The following PCDH15 variants were observed in gnomAD, a reference collection of about 807,000 sequenced individuals.
The protein encoded by PCDH15 is protocadherin-15.
In PCDH15, 129 loss-of-function variants were observed where a neutral mutation model predicts 178.5. The observed-to-expected ratio is 0.72, with a 90% CI of 0.63 to 0.84. The LOEUF is 0.84. PCDH15 is among the 40% of genes least tolerant of loss of function. The pLI is 0.00. For synonymous variants in PCDH15, 800 were observed against 732.0 expected (o/e 1.09, Z -1.50); for missense variants, 2,230 against 2,099.9 (o/e 1.06, Z -1.21).
At chr10:54,213,397 G>A (rs572692463) in intron 10 of PCDH15, among the ~76,000 whole-genome samples, 4 of 152,010 alleles carry the variant, frequency 2.6e-5, no homozygotes, top group African/African-American at 7.2e-5. Flanking sequence ...GCTTAGCTTT[G>A]AATTATTTCA....
chr10:54,978,815 T>A (rs1839143678), intron 2 of PCDH15, among the ~76,000 whole-genome samples: 1 of 152,156 alleles, frequency 6.6e-6, no homozygotes, highest in Non-Finnish European at 1.5e-5. Context: ...TTCAAAGCTA[T>A]CTCTTTAAGA....
chr10:55,089,364 C>T (rs540301536), intron 2 of PCDH15, among the ~76,000 whole-genome samples: 1 of 151,616 alleles, frequency 6.6e-6, no homozygotes, highest in South Asian at 2.1e-4. Flanking sequence ...ATACTAAGTA[C>T]TCTTACAGAT....
chr10:54,624,275 A>G (rs2093474924), intron 2 of PCDH15, among the ~76,000 whole-genome samples: 1 of 152,214 alleles, frequency 6.6e-6, no homozygotes, highest in Admixed American at 6.6e-5. Flanking sequence ...TGCAGGAACA[A>G]AAAAGAAAAG....
intron 25 of PCDH15, chr10:53,905,108 A>C: frequency 2.0e-6 from 1 of 507,514 alleles, no homozygotes; most frequent in Non-Finnish European, 3.9e-6. Context: ...ATAAGCAGGT[A>C]AATCATCACC....
chr10:54,713,626 T>A (rs1216911492), intron 1 of PCDH15, among the ~76,000 whole-genome samples: 1 of 152,108 alleles, frequency 6.6e-6, no homozygotes, highest in Non-Finnish European at 1.5e-5. Context: ...TCTGGGCAAA[T>A]AATCAATATG....
chr10:55,550,654 C>G lies in PCDH15; in HGVS notation c.-156+76971G>C, dbSNP rs145532769. Among the ~76,000 whole-genome samples the G allele has an allele frequency of 3.0e-3, 457 of 152,122 alleles. 5 individuals are homozygous for G. The highest frequency in any genetic ancestry group is 0.021 in the East Asian group (109 of 5,180). ...TTTGCTCTATTATTTAAATTAGAAG[C>G]AAAAGGAATCTTTAATTAATGATTT... On this transcript the variant is annotated intron_variant, in intron 2 of 5. Coordinates refer to the PCDH15 transcript ENST00000613346.
intron 5 of PCDH15, 66 bp from the exon 6 acceptor site, chr10:54,346,550 G>A: frequency 6.3e-7 from 1 of 1,585,050 alleles, no homozygotes; most frequent in Non-Finnish European, 8.6e-7. Flanking sequence ...AAATGTTACA[G>A]CATAAAAATC....
chr10:53,930,731 T>C (rs1471026637), intron 25 of PCDH15, among the ~76,000 whole-genome samples: 1 of 152,114 alleles, frequency 6.6e-6, no homozygotes, highest in Non-Finnish European at 1.5e-5. Flanking sequence ...CAGTTCTTGT[T>C]TTCTTACACT....
At chr10:54,165,530 G>A (rs11004112) in intron 13 of PCDH15, among the ~76,000 whole-genome samples, 1 of 152,044 alleles carries the variant, frequency 6.6e-6, no homozygotes, top group South Asian at 2.1e-4. Flanking sequence ...TTTTGTAAAG[G>A]TTCATTGGTT....
intron 25 of PCDH15, among the ~76,000 whole-genome samples, chr10:53,914,479 T>C (rs1039775970): frequency 2.6e-4 from 40 of 152,152 alleles, no homozygotes; most frequent in African/African-American, 8.9e-4. Flanking sequence ...ATGGATGAAG[T>C]TGGAAACCAT....
intron 2 of PCDH15, among the ~76,000 whole-genome samples, chr10:54,925,466 T>C (rs1034435602): frequency 2.0e-5 from 3 of 152,180 alleles, no homozygotes; most frequent in African/African-American, 7.2e-5. Context: ...AAATAGTTCA[T>C]TATAGTTCTT....
At chr10:54,491,421 CAAG>C (rs2079581383) in intron 3 of PCDH15, among the ~76,000 whole-genome samples, 2 of 151,584 alleles carry the variant, frequency 1.3e-5, no homozygotes, top group African/African-American at 4.8e-5. Context: ...ATAGCTTTTT[CAAG>C]TATCTAAGTT....
At chr10:55,175,661 C>T in intron 1 of PCDH15, among the ~76,000 whole-genome samples, 1 of 44,068 alleles carries the variant, frequency 2.3e-5, no homozygotes, top group Non-Finnish European at 5.1e-5. Context: ...GAGACTCTGT[C>T]TCAAAAAAAA....
At chr10:54,506,193 G>A (rs1356756029) in intron 3 of PCDH15, among the ~76,000 whole-genome samples, 2 of 151,948 alleles carry the variant, frequency 1.3e-5, no homozygotes, top group Non-Finnish European at 1.5e-5. Context: ...TATCACATCT[G>A]AGCCACTTGG....
chr10:53,951,322 C>T (rs539853708), intron 23 of PCDH15, among the ~76,000 whole-genome samples: 3 of 147,990 alleles, frequency 2.0e-5, no homozygotes, highest in African/African-American at 7.5e-5. Context: ...TTCCCTCCCA[C>T]CCCCACCAAA....
chr10:54,021,814 T>C (rs375876941), intron 19 of PCDH15, among the ~76,000 whole-genome samples: 2 of 151,948 alleles, frequency 1.3e-5, no homozygotes, highest in Non-Finnish European at 2.9e-5. Flanking sequence ...TTTGTTTTGT[T>C]CACCTTTGTA....
chr10:55,555,537 T>C (rs896819893), intron 2 of PCDH15, among the ~76,000 whole-genome samples: 1 of 152,160 alleles, frequency 6.6e-6, no homozygotes, highest in African/African-American at 2.4e-5. Context: ...TATTATTCTC[T>C]AGAGATGCCT....
intron 1 of PCDH15, among the ~76,000 whole-genome samples, chr10:54,713,005 C>A (rs571936492): frequency 1.3e-5 from 2 of 152,066 alleles, no homozygotes; most frequent in East Asian, 3.9e-4. Context: ...TAATTTCTAC[C>A]TCAAATTTTT....
intron 3 of PCDH15, among the ~76,000 whole-genome samples, chr10:54,445,508 A>T (rs572053568): frequency 2.6e-5 from 4 of 151,596 alleles, no homozygotes; most frequent in African/African-American, 7.2e-5. Context: ...AGGTTACTTT[A>T]AAAAAATATG....
Sources: allele counts gnomAD v4.1 joint callset (sites outside exome capture counted in the v4.1 genomes callset), GRCh38; gene constraint gnomAD v4.1.1; transcripts MANE v1.5; gene names NCBI Gene and HGNC (gene_info 2026-07-23, HGNC 2026-07-21).